Variants in THSD4 observed in about 807,000 individuals in gnomAD.
The protein encoded by THSD4 is thrombospondin type-1 domain-containing protein 4.
Under a neutral mutation model 119.0 loss-of-function variants are expected in THSD4, and 69 were observed. The ratio of observed to expected loss-of-function variants is 0.58; its 90% confidence interval spans 0.48 to 0.71. The LOEUF (loss-of-function observed/expected upper bound fraction) is 0.71, where lower values mean the gene tolerates loss of function less well. Among genes scored for constraint, THSD4 ranks in the 30% least tolerant of loss-of-function variants. THSD4 has a pLI of 0.00. For missense variants in THSD4, 1,393 were observed against 1,391.1 expected, an observed-to-expected ratio of 1.00 and a Z score of -0.02; for synonymous variants, 524 against 540.4, an observed-to-expected ratio of 0.97 and a Z score of 0.42.
chr15:71,464,453 G>A (rs931266989), intron 7 of THSD4, among the ~76,000 whole-genome samples: 2 of 152,144 alleles, frequency 1.3e-5, no homozygotes, highest in African/African-American at 4.8e-5. Context: ...CATTCTTGGT[G>A]ATGCCAGTGA....
At chr15:71,765,353 C>T (rs2053697870) in intron 16 of THSD4, among the ~76,000 whole-genome samples, 154 bp downstream of exon 16, 1 of 152,216 alleles carries the variant, frequency 6.6e-6, no homozygotes, top group Non-Finnish European at 1.5e-5. Context: ...TACCCCGTGA[C>T]TCAGCCTGCT....
chr15:71,303,887 G>A (rs1450243904), intron 6 of THSD4, among the ~76,000 whole-genome samples: 1 of 152,164 alleles, frequency 6.6e-6, no homozygotes, highest in Non-Finnish European at 1.5e-5. Context: ...GGAACCTTGG[G>A]CTGCTCCACT....
intron 7 of THSD4, among the ~76,000 whole-genome samples, chr15:71,584,824 G>A (rs1019565492): frequency 3.3e-5 from 5 of 152,024 alleles, no homozygotes; most frequent in African/African-American, 1.2e-4. Context: ...TTTTGAGGTA[G>A]TAGGCTTTGA....
intron 6 of THSD4, among the ~76,000 whole-genome samples, chr15:71,397,151 G>A (rs1277402487): frequency 6.6e-6 from 1 of 152,186 alleles, no homozygotes; most frequent in Non-Finnish European, 1.5e-5. Flanking sequence ...CTACTTCAGC[G>A]ATGAGGAATG....
At chr15:71,602,639 A>G (rs2050036282) in intron 7 of THSD4, among the ~76,000 whole-genome samples, 1 of 151,424 alleles carries the variant, frequency 6.6e-6, no homozygotes. Context: ...TGTTACGTTC[A>G]GTTTAGAGAC....
chr15:71,180,176 A>G (rs1298073222), intron 3 of THSD4, among the ~76,000 whole-genome samples: 2 of 151,116 alleles, frequency 1.3e-5, no homozygotes, highest in African/African-American at 4.9e-5. Flanking sequence ...AAAAATAAAA[A>G]AAAAAAAAGA....
At chr15:71,538,915 C>T (rs1260737184) in intron 7 of THSD4, among the ~76,000 whole-genome samples, 1 of 152,194 alleles carries the variant, frequency 6.6e-6, no homozygotes, top group African/African-American at 2.4e-5. Context: ...TTCTCCTGGC[C>T]CCACTTTAAA....
At chr15:71,602,799 A>G (rs747316954) in intron 7 of THSD4, among the ~76,000 whole-genome samples, 37 of 152,094 alleles carry the variant, frequency 2.4e-4, no homozygotes, top group Admixed American at 2.4e-3. Flanking sequence ...CCAGAATTGG[A>G]TAGTTTTGAC....
chr15:71,776,443 T>C (rs2053913998), intron 17 of THSD4, among the ~76,000 whole-genome samples: 1 of 152,208 alleles, frequency 6.6e-6, no homozygotes, highest in Non-Finnish European at 1.5e-5. Context: ...AAAAGGAAGC[T>C]TGAATGGCAA....
intron 7 of THSD4, among the ~76,000 whole-genome samples, chr15:71,590,327 G>A (rs2049769120): frequency 1.6e-5 from 1 of 62,200 alleles, no homozygotes; most frequent in South Asian, 8.4e-4. Context: ...TTTTGAGGCC[G>A]TGTGGACCTG....
At chr15:71,620,762 G>T (rs1042927860) in intron 7 of THSD4, among the ~76,000 whole-genome samples, 1 of 152,124 alleles carries the variant, frequency 6.6e-6, no homozygotes, top group Admixed American at 6.5e-5. Flanking sequence ...TTCCAACTTT[G>T]CCCACCCCTC....
intron 6 of THSD4, among the ~76,000 whole-genome samples, chr15:71,339,926 G>A (rs1017694064): frequency 3.9e-5 from 6 of 151,930 alleles, no homozygotes; most frequent in Middle Eastern, 3.2e-3. Context: ...CACCATGCCC[G>A]GCTAATTTTT....
intron 7 of THSD4, among the ~76,000 whole-genome samples, chr15:71,561,514 T>G (rs2140880669): frequency 1.3e-5 from 2 of 152,094 alleles, no homozygotes; most frequent in East Asian, 3.9e-4. Flanking sequence ...GTGAGAAGAA[T>G]GAGAGGGAAT....
chr15:71,771,668 G>A (rs1037362269), intron 17 of THSD4, among the ~76,000 whole-genome samples: 1 of 152,158 alleles, frequency 6.6e-6, no homozygotes, highest in African/African-American at 2.4e-5. Context: ...CGTAGTGCAA[G>A]CTGAGTCCAG....
chr15:71,505,947 T>C (rs921738403), intron 7 of THSD4, among the ~76,000 whole-genome samples: 1 of 152,232 alleles, frequency 6.6e-6, no homozygotes, highest in African/African-American at 2.4e-5. Context: ...AGAAAACCTT[T>C]AAAACTTTTG....
chr15:71,739,449 A>C (rs1345236847), intron 11 of THSD4, among the ~76,000 whole-genome samples: 2 of 152,224 alleles, frequency 1.3e-5, no homozygotes. Flanking sequence ...CAGGGGTCAC[A>C]TCAGGATGAT....
chr15:71,580,070 A>G (rs2049529474), intron 7 of THSD4, among the ~76,000 whole-genome samples: 1 of 152,190 alleles, frequency 6.6e-6, no homozygotes, highest in South Asian at 2.1e-4. Flanking sequence ...TTCCCAAGAG[A>G]GAGTTTTCAA....
intron 3 of THSD4, chr15:71,164,788 T>G (rs13329439): frequency 6.3e-7 from 1 of 1,593,286 alleles, no homozygotes; most frequent in African/African-American, 1.4e-5. Flanking sequence ...CATCATCATC[T>G]TCTTCTTCAT....
chr15:71,466,489 A>G (rs1421140874), intron 7 of THSD4, among the ~76,000 whole-genome samples: 2 of 152,114 alleles, frequency 1.3e-5, no homozygotes, highest in Non-Finnish European at 2.9e-5. Context: ...GCTCCAAGAC[A>G]TCATGTCCTT....
Sources: gnomAD v4.1 joint callset for allele counts (sites outside exome capture counted in the v4.1 genomes callset) on GRCh38, gnomAD v4.1.1 for gene constraint, MANE v1.5 for transcripts, NCBI Gene and HGNC (gene_info 2026-07-23, HGNC 2026-07-21) for gene names.